Variants in SLC46A1 observed in about 807,000 individuals in gnomAD.
SLC46A1 encodes solute carrier family 46 member 1, also known as proton-coupled folate transporter.
In SLC46A1, 17 loss-of-function variants were observed where a neutral mutation model predicts 32.1. The ratio of observed to expected loss-of-function variants is 0.53; its 90% confidence interval spans 0.36 to 0.79. The LOEUF (loss-of-function observed/expected upper bound fraction) is 0.79. Among genes scored for constraint, SLC46A1 ranks in the 30% least tolerant of loss-of-function variants. SLC46A1 has a pLI of 0.00. For synonymous variants in SLC46A1, 240 were observed against 262.7 expected (o/e 0.91, Z 0.84); for missense variants, 517 against 588.2 (o/e 0.88, Z 1.25).
chr17:28,404,850 C>A lies in SLC46A1; in HGVS notation c.847G>T (p.Gly283Trp). 6.2e-7 allele frequency: 1 copy of A among 1,613,990 alleles called. No homozygotes were observed. Among genetic ancestry groups the A allele is most frequent in the Non-Finnish European group, 8.5e-7 (1 of 1,179,892 alleles). The change falls in exon 2 of 5, where the codon GGG becomes TGG. Residue 283 changes from glycine (G) to tryptophan (W), a missense_variant. Physicochemically the swap from Gly to Trp is radical, Grantham distance 184. Transcript: ENST00000612814. ...AIFVVITVHF[G>W]AQDILTLYEL... Reference sequence around the variant, plus strand: ...TAAAGGGTTAAGATGTCCTGGGCCCCAAAGTGCACAGTGATCACCACGAAG... The same window carrying A: ...TAAAGGGTTAAGATGTCCTGGGCCCAAAAGTGCACAGTGATCACCACGAAG...
rs542388163 is a variant in SLC46A1, at chr17:28,398,883, T to C, written c.*773A>G. On this transcript the variant is annotated 3_prime_UTR_variant, in exon 5 of 5. Coordinates refer to ENST00000612814, the MANE Select transcript of SLC46A1 (RefSeq NM_080669.6). ...TGCTCAAGGTTGCACAGCGAGTCAG[T>C]AGAAGCCCTGGCTGGCCCCACTTGG... 1 of 152,356 alleles carries C rather than the reference T, an allele frequency of 6.6e-6. No individual in the cohort carries two copies. Among genetic ancestry groups the C allele is most frequent in the African/African-American group, 2.4e-5 (1 of 41,562 alleles). 9.4% of individuals were successfully genotyped at this position (152,356 alleles called of 1,614,324 possible).
At chr17:28,400,948 A>G in intron 3 of SLC46A1, 182 bp from the exon 4 acceptor site, 2 of 638,600 alleles carry the variant, frequency 3.1e-6, no homozygotes, top group East Asian at 5.6e-5. Flanking sequence ...TGTGGACAGT[A>G]GCTGGCACAG....
At position 28,395,732 on chromosome 17, in the gene SLC46A1, A is replaced by C. The variant is rs1555587644; in HGVS notation, c.*3924T>G. On this transcript the variant is annotated 3_prime_UTR_variant, in exon 5 of 5. Transcript: ENST00000612814. ...GCCAGGAACTCTGGGCAAAGGAAAA[A>C]TATTTATTTTTTATTACACTACAAG... 1 of 648,444 alleles carries C rather than the reference A, an allele frequency of 1.5e-6. No homozygotes were observed. Among genetic ancestry groups the C allele is most frequent in the Non-Finnish European group, 2.6e-6 (1 of 381,842 alleles). The allele number at this position is 648,444 out of a possible 1,614,324, so 40.2% of individuals were successfully genotyped here. A position where few individuals can be genotyped will look rare whatever the true frequency, so the allele number is the denominator to read the frequency against.
In SLC46A1 at chr17:28,395,929, G is replaced by T; in HGVS notation, c.*3727C>A. 1 of 1,613,890 alleles carries T rather than the reference G, an allele frequency of 6.2e-7. No homozygotes were observed. Among genetic ancestry groups the T allele is most frequent in the Non-Finnish European group, 8.5e-7 (1 of 1,179,866 alleles). On this transcript the variant is annotated 3_prime_UTR_variant, in exon 5 of 5. Coordinates refer to ENST00000612814, the MANE Select transcript of SLC46A1 (RefSeq NM_080669.6). ...GGAGATTGTGACTGCTTTAAGCTGC[G>T]GCAAGAACATTGTGCCCATCATTGA...
At chr17:28,404,360 C>A in intron 2 of SLC46A1, 1 of 537,370 alleles carries the variant, frequency 1.9e-6, no homozygotes, top group Admixed American at 3.2e-5. Context: ...TTGTCTTTTG[C>A]TCTATATTAC....
intron 2 of SLC46A1, chr17:28,403,322 C>T (rs904572996): frequency 6.6e-6 from 1 of 152,234 alleles, no homozygotes; most frequent in Admixed American, 6.5e-5. Flanking sequence ...AGGGACACAG[C>T]AAATGGGAGT....
chr17:28,395,874 G>A lies in SLC46A1; in HGVS notation c.*3782C>T. On this transcript the variant is annotated 3_prime_UTR_variant, in exon 5 of 5. Coordinates refer to ENST00000612814, the MANE Select transcript of SLC46A1 (RefSeq NM_080669.6). ...ACAAGGGTCCCTAGATGGGTACAGG[G>A]GTATCTTCCTCCTTTCCTTTCTTTC... The A allele has an allele frequency of 6.2e-7, 1 of 1,611,828 alleles. No homozygotes were observed. The highest frequency in any genetic ancestry group is 8.5e-7 in the Non-Finnish European group (1 of 1,179,792).
chr17:28,400,340 A>T (rs1227313161), intron 4 of SLC46A1: 1 of 455,806 alleles, frequency 2.2e-6, no homozygotes, highest in Non-Finnish European at 4.0e-6. Flanking sequence ...ATGGGAATGG[A>T]GGGAAATAGG....
intron 1 of SLC46A1, 180 bp downstream of exon 1, chr17:28,405,707 T>G (rs370586686): frequency 1.0e-6 from 1 of 958,402 alleles, no homozygotes; most frequent in African/African-American, 1.7e-5. Flanking sequence ...TAGCTCAGCT[T>G]TTCGCATCCC....
chr17:28,400,657 G>T lies in SLC46A1; in HGVS notation c.1275C>A (p.Pro425=), dbSNP rs1555589342. The part of the protein sequence containing the change: ...PATLNFMKGF[P]FLLGAGLLLI... ...GCAGGAGGCCAGCTCCCAGGAGGAA[G>T]GGGAACCCCTTCATAAAGTTCAGAG... Residue 425 remains proline (P), a synonymous_variant, in exon 4 of 5, where the codon CCC becomes CCA. Coordinates refer to ENST00000612814, the MANE Select transcript of SLC46A1 (RefSeq NM_080669.6). The T allele has an allele frequency of 6.2e-7, 1 of 1,613,652 alleles. No homozygotes were observed. Among genetic ancestry groups the T allele is most frequent in the Admixed American group, 1.7e-5 (1 of 59,982 alleles).
At chr17:28,402,408 C>T in intron 2 of SLC46A1, 87 bp from the exon 3 acceptor site, 1 of 1,182,454 alleles carries the variant, frequency 8.5e-7, no homozygotes, top group East Asian at 2.5e-5. Context: ...ATCCATACCC[C>T]ACGTGGGGCT....
At position 28,402,417 on chromosome 17, in the gene SLC46A1, C is replaced by T. The variant is rs1255428759; in HGVS notation, c.1082-96G>A. The T allele has an allele frequency of 6.9e-6, 7 of 1,015,842 alleles. No homozygotes were observed. The Admixed American group carries it at 1.4e-4, about 21-fold the overall frequency. 62.9% of individuals were successfully genotyped at this position (1,015,842 alleles called of 1,614,324 possible). ...GCTCCTATCCATACCCCACGTGGGG[C>T]TTAGGTTAGACCCAGGAAGAACTTC... On this transcript the variant is annotated intron_variant, in intron 2 of 4. Transcript: ENST00000612814.
intron 2 of SLC46A1, chr17:28,402,870 C>G (rs1449710281): frequency 6.6e-6 from 1 of 152,584 alleles, no homozygotes; most frequent in Admixed American, 6.5e-5. Context: ...TGAGTCTATG[C>G]AGGTGTGCAG....
intron 2 of SLC46A1, 90 bp from the exon 3 acceptor site, chr17:28,402,411 G>A (rs2068208708): frequency 3.8e-6 from 4 of 1,055,406 alleles, no homozygotes; most frequent in South Asian, 2.8e-5. Flanking sequence ...CATACCCCAC[G>A]TGGGGCTTAG....
chr17:28,396,421 C>A lies in SLC46A1; in HGVS notation c.*3235G>T. 2.0e-6 allele frequency: 2 copies of A among 991,130 alleles called. No individual in the cohort carries two copies. The highest frequency in any genetic ancestry group is 3.0e-6 in the Non-Finnish European group (2 of 667,040). The allele number at this position is 991,130 out of a possible 1,614,324, so 61.4% of individuals were successfully genotyped here. A position where few individuals can be genotyped will look rare whatever the true frequency, so the allele number is the denominator to read the frequency against. On this transcript the variant is annotated 3_prime_UTR_variant, in exon 5 of 5. Coordinates refer to ENST00000612814, the MANE Select transcript of SLC46A1 (RefSeq NM_080669.6). ...AGGAAATGGCTCTCCCTCCCCCTGT[C>A]CCCCACCCTCATGGCCCACCTCCAA...
At chr17:28,400,061 T>C (rs2068177197) in intron 4 of SLC46A1, 1 of 280,818 alleles carries the variant, frequency 3.6e-6, no homozygotes, top group Non-Finnish European at 6.9e-6. Flanking sequence ...GCCTGGGTGA[T>C]TTTTTAAATT....
Position 28,399,472 on chromosome 17 carries a change from CAG to C in SLC46A1, c.*182_*183del, listed in dbSNP as rs1555588983. 1.6e-6 allele frequency: 1 copy of C among 622,704 alleles called. No homozygotes were observed. The highest frequency in any genetic ancestry group is 1.8e-5 in the African/African-American group (1 of 54,334). 38.6% of individuals were successfully genotyped at this position (622,704 alleles called of 1,614,324 possible). On this transcript the variant is annotated 3_prime_UTR_variant, in exon 5 of 5. Transcript: ENST00000612814. Reference sequence around the variant, plus strand: ...GTGGGTTATGATTCTAGATCCTAGACAGAGGCTGGGTCAGCTGTGGATGGGGT... The same window carrying C: ...GTGGGTTATGATTCTAGATCCTAGACAGGCTGGGTCAGCTGTGGATGGGGT...
intron 1 of SLC46A1, 81 bp downstream of exon 1, chr17:28,405,806 T>G: frequency 7.1e-7 from 1 of 1,412,152 alleles, no homozygotes; most frequent in Non-Finnish European, 9.5e-7. Context: ...GCCACTACCA[T>G]TACGCAGGCC....
rs782429755 is a variant in SLC46A1 at position 28,396,134 on chromosome 17, C to T, written c.*3522G>A. On this transcript the variant is annotated 3_prime_UTR_variant, in exon 5 of 5. Transcript: ENST00000612814. ...GCTCCCTCTGCCCAGCTGTCTGAAC[C>T]ACATTGGCTCCTGTGCCCACAGGTG... 4 of 1,613,826 alleles carry T rather than the reference C, an allele frequency of 2.5e-6. No individual in the cohort carries two copies. Among genetic ancestry groups the T allele is most frequent in the Admixed American group, 3.3e-5 (2 of 60,010 alleles).
Sources: gnomAD v4.1 joint callset for allele counts on GRCh38, gnomAD v4.1.1 for gene constraint, MANE v1.5 for transcripts, NCBI Gene and HGNC (gene_info 2026-07-23, HGNC 2026-07-21) for gene names.